Variants in ADAMTS17 observed in about 807,000 individuals in gnomAD.
The protein encoded by ADAMTS17 is ADAM metallopeptidase with thrombospondin type 1 motif 17.
A neutral mutation model predicts 141.5 loss-of-function variants in ADAMTS17; 113 were observed. The observed-to-expected ratio is 0.80, with a 90% confidence interval of 0.69 to 0.93. The LOEUF (loss-of-function observed/expected upper bound fraction) is 0.93. ADAMTS17 is among the 40% of genes least tolerant of loss of function. The pLI is 0.00. For missense variants in ADAMTS17, 1,659 were observed against 1,517.9 expected (o/e 1.09, Z -1.54); for synonymous variants, 768 against 630.6 (o/e 1.22, Z -3.27).
intron 18 of ADAMTS17, among the ~76,000 whole-genome samples, chr15:100,039,714 G>C (rs757234134): frequency 2.6e-5 from 4 of 152,124 alleles, no homozygotes; most frequent in Non-Finnish European, 4.4e-5. Context: ...TTGTTAGGTG[G>C]AGTGTTTTAT....
At chr15:100,099,927 T>C (rs1052127622) in intron 14 of ADAMTS17, among the ~76,000 whole-genome samples, 1 of 152,210 alleles carries the variant, frequency 6.6e-6, no homozygotes, top group Non-Finnish European at 1.5e-5. Context: ...GTCTGAGTCC[T>C]GGATTCCACC....
intron 18 of ADAMTS17, among the ~76,000 whole-genome samples, chr15:100,010,416 A>G (rs1164845755): frequency 1.3e-5 from 2 of 152,228 alleles, no homozygotes; most frequent in African/African-American, 2.4e-5. Flanking sequence ...TCCGTGGTGC[A>G]GGACCAGGGA....
chr15:100,036,101 G>C (rs1445158287), intron 18 of ADAMTS17, among the ~76,000 whole-genome samples: 1 of 152,198 alleles, frequency 6.6e-6, no homozygotes, highest in Non-Finnish European at 1.5e-5. Context: ...AAAGATGATG[G>C]CTGGCCCAGG....
chr15:100,073,750 CTGGGGACTGTTG>C (rs2034158083), intron 15 of ADAMTS17, among the ~76,000 whole-genome samples: 1 of 55,972 alleles, frequency 1.8e-5, no homozygotes, highest in African/African-American at 8.8e-5. Flanking sequence ...ACATCACACA[CTGGGGACTGTTG>C]TGGGGTGGGG....
At chr15:100,197,518 G>C (rs1171541308) in intron 8 of ADAMTS17, among the ~76,000 whole-genome samples, 1 of 152,016 alleles carries the variant, frequency 6.6e-6, no homozygotes, top group Admixed American at 6.6e-5. Context: ...AGAACTCAGA[G>C]GTATTAATAC....
chr15:100,185,221 T>G (rs773075899), intron 8 of ADAMTS17, among the ~76,000 whole-genome samples: 15 of 152,182 alleles, frequency 9.9e-5, no homozygotes, highest in Non-Finnish European at 1.9e-4. Flanking sequence ...TTTCCCTACC[T>G]GTAGAATGGA....
At chr15:100,061,394 G>A (rs993331948) in intron 15 of ADAMTS17, among the ~76,000 whole-genome samples, 5 of 152,152 alleles carry the variant, frequency 3.3e-5, no homozygotes, top group African/African-American at 7.2e-5. Flanking sequence ...AGGCACAGCC[G>A]AGCTCCGTGA....
intron 7 of ADAMTS17, among the ~76,000 whole-genome samples, chr15:100,231,174 T>C (rs1414598765): frequency 1.3e-5 from 2 of 152,224 alleles, no homozygotes; most frequent in Non-Finnish European, 2.9e-5. Flanking sequence ...CCTCATTATT[T>C]TCAGGACCGT....
chr15:100,237,429 C>T (rs1443368858), intron 7 of ADAMTS17, among the ~76,000 whole-genome samples: 1 of 151,068 alleles, frequency 6.6e-6, no homozygotes, highest in Non-Finnish European at 1.5e-5. Context: ...GGCACCCTCC[C>T]TAGGAGATCC....
chr15:100,206,264 T>C (rs1300812199), intron 7 of ADAMTS17, among the ~76,000 whole-genome samples: 1 of 152,006 alleles, frequency 6.6e-6, no homozygotes, highest in Admixed American at 6.5e-5. Context: ...CTGACCAGCC[T>C]GCCGGATGGC....
chr15:100,294,108 A>G (rs1182617322), intron 3 of ADAMTS17, among the ~76,000 whole-genome samples: 1 of 152,200 alleles, frequency 6.6e-6, no homozygotes, highest in East Asian at 1.9e-4. Flanking sequence ...CTCAGCCTCT[A>G]ACATAGGGTC....
chr15:100,067,115 G>A (rs116081341), intron 15 of ADAMTS17, among the ~76,000 whole-genome samples: 2,649 of 142,208 alleles, frequency 0.019, no homozygotes, highest in African/African-American at 0.069. Flanking sequence ...TGAGAAGGCA[G>A]CCATCCTTCT....
chr15:100,281,195 GC>G, intron 4 of ADAMTS17, 33 bp downstream of exon 4: 2 of 1,599,608 alleles, frequency 1.3e-6, no homozygotes. Context: ...AGAAAACAGA[GC>G]CCCCCACATC....
intron 8 of ADAMTS17, among the ~76,000 whole-genome samples, chr15:100,185,304 T>C (rs902476191): frequency 2.0e-5 from 3 of 151,398 alleles, no homozygotes; most frequent in Non-Finnish European, 4.4e-5. Context: ...AACAAGCTCG[T>C]AGAAGAAACC....
At chr15:100,092,236 T>C (rs1390359742) in intron 15 of ADAMTS17, among the ~76,000 whole-genome samples, 1 of 152,244 alleles carries the variant, frequency 6.6e-6, no homozygotes, top group African/African-American at 2.4e-5. Flanking sequence ...GGTTTCATCT[T>C]ACAGTTTTTC....
chr15:100,260,884 T>C (rs1429216810), intron 6 of ADAMTS17, among the ~76,000 whole-genome samples: 1 of 152,216 alleles, frequency 6.6e-6, no homozygotes, highest in East Asian at 1.9e-4. Context: ...TTTAGGAATA[T>C]TTCTGTGTAT....
chr15:100,307,975 G>A (rs7183495), intron 3 of ADAMTS17, among the ~76,000 whole-genome samples: 3,467 of 152,310 alleles, frequency 0.023, 138 homozygotes, highest in African/African-American at 0.079. Flanking sequence ...CTACGAGTAC[G>A]TTCTAAGCAG....
chr15:100,205,010 C>G (rs1182357674), intron 7 of ADAMTS17, among the ~76,000 whole-genome samples: 2 of 152,168 alleles, frequency 1.3e-5, no homozygotes, highest in Admixed American at 1.3e-4. Flanking sequence ...GCCATGTGAG[C>G]TGTTGCTTCA....
intron 18 of ADAMTS17, among the ~76,000 whole-genome samples, chr15:100,036,587 G>C (rs568635280): frequency 4.6e-5 from 7 of 152,232 alleles, no homozygotes; most frequent in Non-Finnish European, 1.0e-4. Flanking sequence ...TTTTTTGTGA[G>C]TTCATTTTTT....
Sources: allele counts gnomAD v4.1 joint callset (sites outside exome capture counted in the v4.1 genomes callset), GRCh38; gene constraint gnomAD v4.1.1; transcripts MANE v1.5; gene names NCBI Gene and HGNC (gene_info 2026-07-23, HGNC 2026-07-21).